CADM2: variants seen among roughly 807,000 people sequenced by gnomAD.
CADM2 encodes immunoglobulin superfamily member 4D.
In CADM2, 12 loss-of-function variants were observed where a neutral mutation model predicts 49.8. That is an observed-to-expected ratio of 0.24 (90% confidence interval 0.15 to 0.39). The LOEUF (loss-of-function observed/expected upper bound fraction) is 0.39. CADM2 is among the 10% of genes least tolerant of loss of function. The pLI is 1.00. For synonymous variants in CADM2, 214 were observed against 175.4 expected, an observed-to-expected ratio of 1.22 and a Z score of -1.74; for missense variants, 378 against 492.3, an observed-to-expected ratio of 0.77 and a Z score of 2.20.
intron 1 of CADM2, among the ~76,000 whole-genome samples, chr3:85,612,365 TG>T (rs2063701878): frequency 6.6e-6 from 1 of 151,922 alleles, no homozygotes; most frequent in Non-Finnish European, 1.5e-5. Flanking sequence ...TTATAGTGTC[TG>T]GGTTTCTAAT....
intron 1 of CADM2, among the ~76,000 whole-genome samples, chr3:85,613,912 T>C (rs2063737302): frequency 6.6e-6 from 1 of 151,624 alleles, no homozygotes; most frequent in Non-Finnish European, 1.5e-5. Context: ...AATCAGTTTT[T>C]CTGTATCTAA....
intron 1 of CADM2, among the ~76,000 whole-genome samples, chr3:85,622,966 C>T (rs545409111): frequency 6.6e-6 from 1 of 152,194 alleles, no homozygotes; most frequent in South Asian, 2.1e-4. Context: ...TGGGAGCAAG[C>T]TCTTTCAATA....
chr3:85,261,287 C>T (rs765503934), intron 1 of CADM2, among the ~76,000 whole-genome samples: 20 of 152,194 alleles, frequency 1.3e-4, no homozygotes, highest in Middle Eastern at 6.8e-3. Context: ...AGGCATCTGC[C>T]ACCAGGCCCA....
chr3:85,794,318 G>A (rs1359564231), intron 2 of CADM2, among the ~76,000 whole-genome samples: 1 of 152,154 alleles, frequency 6.6e-6, no homozygotes, highest in Non-Finnish European at 1.5e-5. Flanking sequence ...GCAAATGCCA[G>A]CCATTGTTTT....
intron 1 of CADM2, among the ~76,000 whole-genome samples, chr3:85,600,095 A>G (rs2063349527): frequency 1.3e-5 from 2 of 152,000 alleles, no homozygotes; most frequent in Admixed American, 1.3e-4. Context: ...GATTTATTTG[A>G]TATATTAATA....
chr3:85,665,619 T>G (rs1452102616), intron 1 of CADM2, among the ~76,000 whole-genome samples: 1 of 151,992 alleles, frequency 6.6e-6, no homozygotes, highest in Non-Finnish European at 1.5e-5. Context: ...CTGAGTGTTT[T>G]TATTCCTTTT....
At chr3:85,109,705 A>T (rs946768943) in intron 1 of CADM2, among the ~76,000 whole-genome samples, 3 of 151,962 alleles carry the variant, frequency 2.0e-5, no homozygotes, top group Non-Finnish European at 4.4e-5. Flanking sequence ...TTTCTTAATT[A>T]ATTATTTATA....
At chr3:85,625,833 T>A (rs1416785637) in intron 1 of CADM2, among the ~76,000 whole-genome samples, 4 of 152,060 alleles carry the variant, frequency 2.6e-5, no homozygotes, top group Non-Finnish European at 5.9e-5. Flanking sequence ...AATAAAGCAT[T>A]GATTTTAAAA....
chr3:85,677,349 C>T (rs2065914199), intron 1 of CADM2, among the ~76,000 whole-genome samples: 1 of 152,176 alleles, frequency 6.6e-6, no homozygotes, highest in African/African-American at 2.4e-5. Context: ...CCCTCTATAA[C>T]TTCATTCAAA....
At chr3:85,509,329 A>G (rs947675669) in intron 1 of CADM2, among the ~76,000 whole-genome samples, 6 of 152,244 alleles carry the variant, frequency 3.9e-5, no homozygotes, top group African/African-American at 1.4e-4. Flanking sequence ...TTCTATAAGA[A>G]CCAGCCAGCA....
intron 1 of CADM2, among the ~76,000 whole-genome samples, chr3:84,996,675 C>T (rs1052558712): frequency 1.3e-5 from 2 of 151,956 alleles, no homozygotes; most frequent in African/African-American, 4.8e-5. Flanking sequence ...GCACATTGCC[C>T]ATATTGTCTG....
intron 1 of CADM2, among the ~76,000 whole-genome samples, chr3:85,053,953 A>C (rs2035980096): frequency 6.6e-6 from 1 of 151,970 alleles, no homozygotes; most frequent in Non-Finnish European, 1.5e-5. Context: ...TCATGATTGC[A>C]AAGAACCTTC....
intron 8 of CADM2, among the ~76,000 whole-genome samples, chr3:86,036,082 A>G (rs1426505622): frequency 1.3e-5 from 2 of 151,972 alleles, no homozygotes; most frequent in Non-Finnish European, 2.9e-5. Flanking sequence ...TTCCAATACC[A>G]TTGCTTTGGA....
chr3:85,461,565 G>C (rs1480157728), intron 1 of CADM2, among the ~76,000 whole-genome samples: 1 of 152,138 alleles, frequency 6.6e-6, no homozygotes, highest in Non-Finnish European at 1.5e-5. Flanking sequence ...CAACTTTCTG[G>C]TTTGAGAATA....
intron 1 of CADM2, among the ~76,000 whole-genome samples, chr3:85,494,297 A>G (rs2039795950): frequency 1.3e-5 from 2 of 152,214 alleles, no homozygotes; most frequent in African/African-American, 4.8e-5. Flanking sequence ...AAAACATCAC[A>G]GTCAAAATAT....
intron 5 of CADM2, among the ~76,000 whole-genome samples, chr3:85,890,053 G>T (rs1314299393): frequency 1.3e-4 from 20 of 152,114 alleles, no homozygotes; most frequent in Admixed American, 1.3e-3. Flanking sequence ...CGATCTAGAG[G>T]TTTATTTTGC....
At chr3:84,974,626 C>T (rs2031691792) in intron 1 of CADM2, among the ~76,000 whole-genome samples, 1 of 151,914 alleles carries the variant, frequency 6.6e-6, no homozygotes, top group Non-Finnish European at 1.5e-5. Context: ...ACAAGAAGTG[C>T]ATTAAGTAAG....
intron 8 of CADM2, among the ~76,000 whole-genome samples, chr3:85,999,629 A>C (rs1385887543): frequency 6.6e-6 from 1 of 151,166 alleles, no homozygotes; most frequent in Non-Finnish European, 1.5e-5. Context: ...GAAAGAAAGA[A>C]GGAGAAAGAA....
chr3:85,353,714 A>G (rs1228743866), intron 1 of CADM2, among the ~76,000 whole-genome samples: 2 of 151,870 alleles, frequency 1.3e-5, no homozygotes, highest in African/African-American at 2.4e-5. Flanking sequence ...TATTCATTAG[A>G]TATCTTGCTT....
Sources: allele counts gnomAD v4.1 joint callset (sites outside exome capture counted in the v4.1 genomes callset), GRCh38; gene constraint gnomAD v4.1.1; transcripts MANE v1.5; gene names NCBI Gene and HGNC (gene_info 2026-07-23, HGNC 2026-07-21).